The following HPGD variants were observed in gnomAD, a reference collection of about 807,000 sequenced individuals.
HPGD encodes 15-hydroxyprostaglandin dehydrogenase.
A neutral mutation model predicts 30.0 loss-of-function variants in HPGD; 29 were observed. The ratio of observed to expected loss-of-function variants is 0.97; its 90% CI spans 0.72 to 1.32. HPGD has a LOEUF of 1.32. HPGD is among the 40% of genes most tolerant of loss of function. The pLI, the probability that HPGD is intolerant of heterozygous loss-of-function variation, is 0.00. For synonymous variants in HPGD, 99 were observed against 112.4 expected (o/e 0.88, Z 0.75); for missense variants, 340 against 322.1 (o/e 1.06, Z -0.43).
At chr4:174,522,536 CGT>C, upstream of HPGD, 1 of 1,000,036 alleles carries the variant, frequency 1.0e-6, no homozygotes, top group Non-Finnish European at 1.4e-6. Context: ...CGCGCGCGCG[CGT>C]GCAGCCCGGC....
chr4:174,498,879 C>T (rs560291434), intron 4 of HPGD, among the ~76,000 whole-genome samples: 1 of 152,234 alleles, frequency 6.6e-6, no homozygotes, highest in Admixed American at 6.5e-5. Flanking sequence ...AAAATGAAGC[C>T]TAAATGGAGG....
At chr4:174,511,669 C>T (rs994047427) in intron 3 of HPGD, among the ~76,000 whole-genome samples, 1 of 152,050 alleles carries the variant, frequency 6.6e-6, no homozygotes, top group African/African-American at 2.4e-5. Context: ...GTTTTTGAGA[C>T]AGAGTCTCGC....
At chr4:174,520,571 T>C (rs1736051844) in intron 2 of HPGD, among the ~76,000 whole-genome samples, 1 of 152,214 alleles carries the variant, frequency 6.6e-6, no homozygotes, top group Non-Finnish European at 1.5e-5. Context: ...TGTCTGAGTA[T>C]TTTTCCTCCT....
In HPGD at chr4:174,491,270, T is replaced by C. The variant is rs550905338; in HGVS notation, c.*686A>G. ...AGTTTAATTCCTGAGATTTTTGGAG[T>C]CGGTAAAAGTTCTTAAAGTGAGCAG... On this transcript the variant is annotated 3_prime_UTR_variant, in exon 7 of 7. Coordinates refer to ENST00000296522, the MANE Select transcript of HPGD (RefSeq NM_000860.6). 1 of 152,774 alleles carries C rather than the reference T, an allele frequency of 6.5e-6. No homozygotes were observed. Among genetic ancestry groups the C allele is most frequent in the East Asian group, 1.9e-4 (1 of 5,334 alleles). 9.5% of individuals were successfully genotyped at this position (152,774 alleles called of 1,614,324 possible). A position where few individuals can be genotyped will look rare whatever the true frequency, so the allele number is the denominator to read the frequency against.
At chr4:174,516,539 G>C (rs2110866343) in intron 3 of HPGD, among the ~76,000 whole-genome samples, 1 of 152,236 alleles carries the variant, frequency 6.6e-6, no homozygotes, top group Admixed American at 6.5e-5. Flanking sequence ...GGGTTGCTAT[G>C]ACCACTATCT....
Position 174,493,159 on chromosome 4 carries a change from TC to T in HPGD, c.653del (p.Gly218GlufsTer7). ...GACATAGTTTTACTTACTCCAAAAT[TC>T]CATAGTATTTAATCATATCCTTGAT... ...DHIKDMIKYY[G>X]ILDPPLIANG... On this transcript the variant is annotated frameshift_variant, in exon 6 of 7. Transcript: ENST00000296522. LOFTEE classifies it high-confidence loss of function. The T allele has an allele frequency of 6.3e-7, 1 of 1,591,314 alleles. No individual in the cohort carries two copies. Among genetic ancestry groups the T allele is most frequent in the Non-Finnish European group, 8.6e-7 (1 of 1,162,320 alleles).
At chr4:174,520,440 C>T (rs1560991059) in intron 2 of HPGD, among the ~76,000 whole-genome samples, 5 of 152,104 alleles carry the variant, frequency 3.3e-5, no homozygotes, top group Non-Finnish European at 7.4e-5. Context: ...AAGTTATAGG[C>T]AACATTAAAT....
At chr4:174,501,012 A>G (rs1386585945) in intron 4 of HPGD, among the ~76,000 whole-genome samples, 1 of 152,200 alleles carries the variant, frequency 6.6e-6, no homozygotes, top group Non-Finnish European at 1.5e-5. Context: ...GAACCTTGGC[A>G]AACTGGACTG....
At chr4:174,517,411 G>A (rs1167768051) in intron 3 of HPGD, among the ~76,000 whole-genome samples, 2 of 152,142 alleles carry the variant, frequency 1.3e-5, no homozygotes, top group Non-Finnish European at 2.9e-5. Context: ...AAATAAATAA[G>A]TCAGCGGTTG....
chr4:174,521,545 T>A (rs1364287939), intron 2 of HPGD, among the ~76,000 whole-genome samples: 2 of 152,240 alleles, frequency 1.3e-5, no homozygotes, highest in East Asian at 3.8e-4. Flanking sequence ...ACTGCCACAT[T>A]TGATTGTCAT....
Position 174,492,106 on chromosome 4 carries a change from G to T in HPGD, c.663-12C>A, listed in dbSNP as rs1734368704. 1 of 1,608,422 alleles carries T rather than the reference G, an allele frequency of 6.2e-7. No homozygotes were observed. Among genetic ancestry groups the T allele is most frequent in the Non-Finnish European group, 8.5e-7 (1 of 1,176,164 alleles). On this transcript the variant is annotated splice_polypyrimidine_tract_variant and intron_variant, in intron 6 of 6. Transcript: ENST00000296522. The surrounding 1 kb of genome is among the most constrained non-coding windows in gnomAD (Gnocchi z 4.9). ...CAATCAATGGTGGGCTAAAAATAAA[G>T]AAAACAGTATTTTGAAACGAAAGAA...
intron 2 of HPGD, among the ~76,000 whole-genome samples, chr4:174,520,717 T>C (rs1426180542): frequency 6.6e-6 from 1 of 152,250 alleles, no homozygotes; most frequent in Non-Finnish European, 1.5e-5. Context: ...AGATTGTTTA[T>C]ACTGTTCCTT....
At chr4:174,503,331 G>C (rs1428948560) in intron 4 of HPGD, among the ~76,000 whole-genome samples, 1 of 152,094 alleles carries the variant, frequency 6.6e-6, no homozygotes, top group Non-Finnish European at 1.5e-5. Flanking sequence ...GGCTAAAATG[G>C]AGCAAAATAA....
At chr4:174,511,240 C>T (rs1047819402) in intron 3 of HPGD, among the ~76,000 whole-genome samples, 1 of 150,808 alleles carries the variant, frequency 6.6e-6, no homozygotes, top group Non-Finnish European at 1.5e-5. Context: ...TGACTAGCAA[C>T]ATTCATTTAT....
chr4:174,522,098 T>A (rs200232509), intron 1 of HPGD, 31 bp from the exon 2 acceptor site: 1 of 1,614,066 alleles, frequency 6.2e-7, no homozygotes, highest in East Asian at 2.2e-5. Flanking sequence ...ATCGCGGGCC[T>A]GCGCAGCTCA....
rs587777719 is a variant in HPGD, at chr4:174,517,983, CAG to C, written c.310_311del (p.Leu104AlafsTer3). On this transcript the variant is annotated frameshift_variant, in exon 3 of 7. Transcript: ENST00000296522. LOFTEE classifies it high-confidence loss of function. ...TAAGATAACTCACCAAATTAATTTG[CAG>C]AGTTTTTTCCCAGTTTTTCTCATTA... Reference protein sequence around the residue: ...VNNEKNWEKTLQINLVSVISG... With the variant: ...VNNEKNWEKTXQINLVSVISG... The C allele has an allele frequency of 1.6e-5, 25 of 1,535,580 alleles. No homozygotes were observed. The East Asian group carries it at 4.3e-4, about 26-fold the overall frequency.
At position 174,491,988 on chromosome 4, in the gene HPGD, CAT is replaced by C; in HGVS notation, c.767_768del (p.Tyr256Ter). ...GTTTTTGCTTGAAATGGAGTTGTAT[CAT>C]AGTCTTGAAAATGAATTCCCTTAGA... Reference protein sequence around the residue: ...TTSKGIHFQDYDTTPFQAKTQ With the variant: ...TTSKGIHFQDXDTTPFQAKTQ On this transcript the variant is annotated frameshift_variant, in exon 7 of 7. Transcript: ENST00000296522. LOFTEE classifies it high-confidence loss of function. The C allele has an allele frequency of 6.2e-7, 1 of 1,612,008 alleles. No individual in the cohort carries two copies. The highest frequency in any genetic ancestry group is 8.5e-7 in the Non-Finnish European group (1 of 1,178,484).
At chr4:174,503,118 A>G (rs1338784577) in intron 4 of HPGD, among the ~76,000 whole-genome samples, 3 of 152,206 alleles carry the variant, frequency 2.0e-5, no homozygotes, top group African/African-American at 7.2e-5. Flanking sequence ...ATTTACAAAT[A>G]TTTAATCATT....
chr4:174,511,935 C>T (rs1039931378), intron 3 of HPGD, among the ~76,000 whole-genome samples: 1 of 152,144 alleles, frequency 6.6e-6, no homozygotes, highest in East Asian at 1.9e-4. Flanking sequence ...CGTGAGTCAC[C>T]GCTCCCGGCC....
Sources: gnomAD v4.1 joint callset for allele counts (sites outside exome capture counted in the v4.1 genomes callset) on GRCh38, gnomAD v4.1.1 for gene constraint, Gnocchi (gnomAD v3.1) non-coding constraint, MANE v1.5 for transcripts, NCBI Gene and HGNC (gene_info 2026-07-23, HGNC 2026-07-21) for gene names.